Variants in TMEM117 observed in about 807,000 individuals in gnomAD.
TMEM117 encodes transmembrane protein 117.
Under a neutral mutation model 52.4 loss-of-function variants are expected in TMEM117, and 27 were observed. The ratio of observed to expected loss-of-function variants is 0.51; its 90% CI spans 0.38 to 0.71. The LOEUF is 0.71. TMEM117 is among the 30% of genes least tolerant of loss of function. TMEM117 has a pLI of 0.00. For missense variants in TMEM117, 556 were observed against 630.5 expected, an observed-to-expected ratio of 0.88 and a Z score of 1.26; for synonymous variants, 215 against 206.3, an observed-to-expected ratio of 1.04 and a Z score of -0.36.
intron 5 of TMEM117, among the ~76,000 whole-genome samples, chr12:44,283,201 T>A (rs1338041088): frequency 6.6e-6 from 1 of 151,866 alleles, no homozygotes; most frequent in Non-Finnish European, 1.5e-5. Flanking sequence ...AAATGTGGGG[T>A]CAGAGCCTGC....
At chr12:44,332,971 A>G (rs1398046530) in intron 6 of TMEM117, among the ~76,000 whole-genome samples, 2 of 152,078 alleles carry the variant, frequency 1.3e-5, no homozygotes, top group African/African-American at 4.8e-5. Context: ...AACTGACATT[A>G]AGAGATTTTA....
At chr12:44,025,789 G>A (rs12296857) in intron 3 of TMEM117, among the ~76,000 whole-genome samples, 29,501 of 152,074 alleles carry the variant, frequency 0.19, 4,488 homozygotes, top group African/African-American at 0.43. Context: ...GGTATTTCAA[G>A]TCTTCTGTCA....
chr12:44,141,174 C>T (rs1379381090), intron 3 of TMEM117, among the ~76,000 whole-genome samples: 1 of 152,132 alleles, frequency 6.6e-6, no homozygotes, highest in Non-Finnish European at 1.5e-5. Context: ...AGTAGCACCA[C>T]TTCATTAAAA....
At chr12:44,146,221 G>C (rs909030193) in intron 4 of TMEM117, among the ~76,000 whole-genome samples, 10 of 152,142 alleles carry the variant, frequency 6.6e-5, no homozygotes, top group Non-Finnish European at 1.5e-4. Context: ...AGTTCAGCCT[G>C]TGATCTTTGT....
chr12:43,796,455 T>C, the TMEM117 span, among the ~76,000 whole-genome samples: 1 of 152,146 alleles, frequency 6.6e-6, no homozygotes, highest in Non-Finnish European at 1.5e-5. Context: ...TTAAGAAAAT[T>C]GGTAGCTTAG....
chr12:44,119,935 C>T (rs756586949), intron 3 of TMEM117, among the ~76,000 whole-genome samples: 4 of 152,018 alleles, frequency 2.6e-5, no homozygotes, highest in Non-Finnish European at 5.9e-5. Flanking sequence ...GAAGGATGCT[C>T]AGGAGTCTAG....
intron 4 of TMEM117, among the ~76,000 whole-genome samples, chr12:44,170,304 GGA>G (rs1399513109): frequency 9.8e-6 from 1 of 102,130 alleles, no homozygotes; most frequent in African/African-American, 3.8e-5. Flanking sequence ...GGGGGTGGGG[GGA>G]GGGGGGAGGG....
chr12:44,359,807 A>G (rs909893502), intron 6 of TMEM117, among the ~76,000 whole-genome samples: 1 of 152,170 alleles, frequency 6.6e-6, no homozygotes, highest in African/African-American at 2.4e-5. Flanking sequence ...ACTAAAAACC[A>G]ACTATATTTA....
intron 2 of TMEM117, among the ~76,000 whole-genome samples, chr12:43,880,669 A>G (rs1258088026): frequency 6.6e-6 from 1 of 152,206 alleles, no homozygotes; most frequent in African/African-American, 2.4e-5. Context: ...CATTTTCCAC[A>G]GAGCCAGAGT....
intron 5 of TMEM117, among the ~76,000 whole-genome samples, chr12:44,243,919 T>A (rs549192248): frequency 1.6e-4 from 25 of 152,148 alleles, no homozygotes; most frequent in Non-Finnish European, 2.8e-4. Context: ...CTTAGCATAA[T>A]GTTCTCCAGA....
At chr12:44,327,890 C>G (rs572262371) in intron 6 of TMEM117, among the ~76,000 whole-genome samples, 19 of 152,284 alleles carry the variant, frequency 1.2e-4, no homozygotes, top group African/African-American at 4.6e-4. Flanking sequence ...ACTTCCTGAG[C>G]TGGCTAGTGA....
In TMEM117 at chr12:43,925,790, G is replaced by A. The variant is rs572539927; in HGVS notation, c.278-18420G>A. On this transcript the variant is annotated intron_variant, in intron 2 of 7. Transcript: ENST00000266534. ...TCTATATCTGGTGGGGCTTAGACCA[G>A]GATCCATGGGCTGAGCTTGACCCTC... 2.5e-3 allele frequency among the ~76,000 whole-genome samples: 386 copies of A among 152,270 alleles called. 2 individuals carry two copies. The highest frequency in any genetic ancestry group is 8.6e-3 in the African/African-American group (356 of 41,556).
chr12:44,348,643 C>A (rs569553989), intron 6 of TMEM117, among the ~76,000 whole-genome samples: 59 of 152,012 alleles, frequency 3.9e-4, no homozygotes, highest in African/African-American at 1.2e-3. Flanking sequence ...AAAGTTAATG[C>A]TAGACCTAGT....
intron 3 of TMEM117, among the ~76,000 whole-genome samples, chr12:44,116,909 C>G (rs1328324544): frequency 1.3e-5 from 2 of 152,170 alleles, no homozygotes; most frequent in African/African-American, 4.8e-5. Context: ...AGCCTCCTAA[C>G]TGATCTAATT....
chr12:43,884,508 G>A (rs1275860914), intron 2 of TMEM117, among the ~76,000 whole-genome samples: 4 of 152,118 alleles, frequency 2.6e-5, no homozygotes, highest in Non-Finnish European at 5.9e-5. Flanking sequence ...CTCCAGTAAA[G>A]GCTTCTGTTG....
chr12:44,236,168 T>C (rs1819886461), intron 5 of TMEM117, among the ~76,000 whole-genome samples: 1 of 140,312 alleles, frequency 7.1e-6, no homozygotes, highest in Non-Finnish European at 1.5e-5. Flanking sequence ...TTTTAGTTTC[T>C]AGCATATATA....
At chr12:44,067,423 G>A (rs1232080718) in intron 3 of TMEM117, among the ~76,000 whole-genome samples, 6 of 152,126 alleles carry the variant, frequency 3.9e-5, no homozygotes, top group Non-Finnish European at 7.3e-5. Flanking sequence ...AATGTCTGTC[G>A]TAAATAATAA....
intron 1 of TMEM117, among the ~76,000 whole-genome samples, chr12:43,839,269 A>G (rs1474554595): frequency 6.6e-6 from 1 of 152,118 alleles, no homozygotes. Flanking sequence ...TTTCTGTCAT[A>G]TAAGTCAGAT....
At chr12:44,312,607 T>C (rs1302233998) in intron 6 of TMEM117, among the ~76,000 whole-genome samples, 2 of 152,216 alleles carry the variant, frequency 1.3e-5, no homozygotes, top group African/African-American at 2.4e-5. Context: ...TGGAATGATT[T>C]ATTTTTTATT....
Sources: allele counts gnomAD v4.1 joint callset (sites outside exome capture counted in the v4.1 genomes callset), GRCh38; gene constraint gnomAD v4.1.1; transcripts MANE v1.5; gene names NCBI Gene and HGNC (gene_info 2026-07-23, HGNC 2026-07-21).